The following SPPL3 variants were observed in gnomAD, a reference collection of about 807,000 sequenced individuals.
SPPL3 encodes the protein signal peptide peptidase like 3, also known as signal peptide peptidase-like 3.
SPPL3 carries 5 observed loss-of-function variants against 42.4 expected under a neutral mutation model. That is an observed-to-expected ratio of 0.12 (90% CI 0.06 to 0.25). The LOEUF is 0.25. SPPL3 is among the 10% of genes least tolerant of loss of function. The pLI, the probability that SPPL3 is intolerant of heterozygous loss-of-function variation, is 1.00. For synonymous variants in SPPL3, 195 were observed against 181.8 expected, an observed-to-expected ratio of 1.07 and a Z score of -0.58; for missense variants, 235 against 489.0, an observed-to-expected ratio of 0.48 and a Z score of 4.90.
At chr12:120,839,880 C>A (rs1317261533) in intron 1 of SPPL3, among the ~76,000 whole-genome samples, 1 of 152,044 alleles carries the variant, frequency 6.6e-6, no homozygotes, top group Non-Finnish European at 1.5e-5. Context: ...ATGTTCAAAG[C>A]AGCAGTACTC....
chr12:120,777,235 A>T (rs1447223545), intron 6 of SPPL3, among the ~76,000 whole-genome samples: 1 of 152,232 alleles, frequency 6.6e-6, no homozygotes, highest in Non-Finnish European at 1.5e-5. Context: ...CTGTTTCCTC[A>T]TCAGGAAGCC....
rs1461793964 is a variant in SPPL3, at chr12:120,900,690, T to G, written c.23+3155A>C. 2.0e-5 allele frequency among the ~76,000 whole-genome samples: 3 copies of G among 151,764 alleles called. No homozygotes were observed. In the East Asian group the frequency reaches 5.8e-4, roughly 29 times the overall value. On this transcript the variant is annotated intron_variant, in intron 1 of 10. Coordinates refer to ENST00000353487, the MANE Select transcript of SPPL3 (RefSeq NM_139015.5). ...GGGAGGCCAATCCCAGGCAGACTGC[T>G]TGAGGTCAGGAGTTCAAGACCAGCC...
intron 2 of SPPL3, among the ~76,000 whole-genome samples, chr12:120,796,039 T>C (rs1256582933): frequency 6.6e-6 from 1 of 152,216 alleles, no homozygotes; most frequent in East Asian, 1.9e-4. Context: ...ATCTCAGACA[T>C]TGTTGTCTTC....
intron 6 of SPPL3, chr12:120,769,795 C>T (rs1442368925): frequency 6.6e-6 from 1 of 152,230 alleles, no homozygotes; most frequent in Non-Finnish European, 1.5e-5. Context: ...AGGTGATCCA[C>T]CTGCCTTGGC....
chr12:120,809,057 C>T (rs985950594), intron 2 of SPPL3, among the ~76,000 whole-genome samples: 1 of 152,108 alleles, frequency 6.6e-6, no homozygotes, highest in African/African-American at 2.4e-5. Context: ...CAGTGATTAA[C>T]ACTTTTGGCT....
chr12:120,876,789 T>G (rs1239939964), intron 1 of SPPL3, among the ~76,000 whole-genome samples: 7 of 141,380 alleles, frequency 5.0e-5, no homozygotes, highest in Non-Finnish European at 9.3e-5. Flanking sequence ...TGATCTAAGC[T>G]TCTACCTTGA....
intron 3 of SPPL3, among the ~76,000 whole-genome samples, chr12:120,789,230 G>A (rs2136983700): frequency 6.6e-6 from 1 of 151,896 alleles, no homozygotes; most frequent in East Asian, 1.9e-4. Flanking sequence ...AACACTGGAG[G>A]ATCACTTGAG....
chr12:120,848,906 T>C (rs1388687004), intron 1 of SPPL3, among the ~76,000 whole-genome samples: 1 of 152,200 alleles, frequency 6.6e-6, no homozygotes, highest in Non-Finnish European at 1.5e-5. Flanking sequence ...CTACAGGTGA[T>C]TTGTGTAACA....
chr12:120,847,458 A>G (rs1158210607), intron 1 of SPPL3, among the ~76,000 whole-genome samples: 1 of 150,392 alleles, frequency 6.6e-6, no homozygotes, highest in East Asian at 2.0e-4. Context: ...ACACCTGGCT[A>G]ATTTTTGTAT....
chr12:120,891,541 ATTT>A (rs1320845911), intron 1 of SPPL3, among the ~76,000 whole-genome samples: 4 of 152,146 alleles, frequency 2.6e-5, no homozygotes, highest in Non-Finnish European at 5.9e-5. Context: ...TATTAAAAAA[ATTT>A]TTTTAGCTTT....
intron 6 of SPPL3, among the ~76,000 whole-genome samples, chr12:120,779,318 G>A (rs1869442308): frequency 6.6e-6 from 1 of 152,178 alleles, no homozygotes; most frequent in African/African-American, 2.4e-5. Context: ...CAGAGCTGCA[G>A]GGAAACACTG....
intron 1 of SPPL3, among the ~76,000 whole-genome samples, chr12:120,838,445 C>G (rs75436492): frequency 0.02 from 3,046 of 152,296 alleles, 59 homozygotes; most frequent in South Asian, 0.051. Flanking sequence ...GCAGATCAAT[C>G]AGGGGCCAAG....
intron 1 of SPPL3, among the ~76,000 whole-genome samples, chr12:120,830,606 A>AGAGAGAGAGAGAGAGAGAGAGAGAGAGAG (rs377406347): frequency 6.4e-5 from 8 of 124,582 alleles, no homozygotes; most frequent in South Asian, 2.8e-4. Context: ...AGAGAGAGAG[A>AGAGAGAGAGAGAGAGAGAGAGAGAGAGAG]AGGTGTACAT....
chr12:120,809,214 G>A (rs533380666), intron 2 of SPPL3, among the ~76,000 whole-genome samples: 51 of 152,206 alleles, frequency 3.4e-4, no homozygotes, highest in Non-Finnish European at 6.0e-4. Flanking sequence ...GCGTGGTGGC[G>A]GGCGCCTGTA....
intron 3 of SPPL3, among the ~76,000 whole-genome samples, chr12:120,784,955 G>A (rs1172130800): frequency 6.6e-6 from 1 of 152,010 alleles, no homozygotes. Flanking sequence ...GGTAAAAGAG[G>A]TGGTTTAAAC....
chr12:120,806,076 G>A (rs1348958589), intron 2 of SPPL3, among the ~76,000 whole-genome samples: 1 of 149,358 alleles, frequency 6.7e-6, no homozygotes, highest in Non-Finnish European at 1.5e-5. Context: ...ATCCAGAGTA[G>A]CCAGAAAAAT....
chr12:120,773,670 C>T (rs1282153246), intron 6 of SPPL3, among the ~76,000 whole-genome samples: 3 of 152,202 alleles, frequency 2.0e-5, no homozygotes, highest in South Asian at 2.1e-4. Context: ...CTGTCGCCCA[C>T]GCTGAGTGCA....
In SPPL3 at chr12:120,823,494, C is replaced by T. The variant is rs554108492; in HGVS notation, c.24-12608G>A. 9.2e-4 allele frequency among the ~76,000 whole-genome samples: 140 copies of T among 152,142 alleles called. 1 individual carries two copies. The highest frequency in any genetic ancestry group is 5.9e-5 in the Non-Finnish European group (4 of 68,012). ...AGGATCTGACAACAGTAGCCACTTC[C>T]TTTTCTTGAAACAATTTTATCCCAG... On this transcript the variant is annotated intron_variant, in intron 1 of 10. Coordinates refer to ENST00000353487, the MANE Select transcript of SPPL3 (RefSeq NM_139015.5).
intron 1 of SPPL3, among the ~76,000 whole-genome samples, chr12:120,895,147 G>T (rs1180413091): frequency 1.3e-5 from 2 of 152,002 alleles, no homozygotes; most frequent in Non-Finnish European, 1.5e-5. Flanking sequence ...GAAAAAACAG[G>T]TCGGGCATGG....
Sources: allele counts gnomAD v4.1 joint callset (sites outside exome capture counted in the v4.1 genomes callset), GRCh38; gene constraint gnomAD v4.1.1; transcripts MANE v1.5; gene names NCBI Gene and HGNC (gene_info 2026-07-23, HGNC 2026-07-21).